The following CPEB3 variants were observed in gnomAD, a reference collection of about 807,000 sequenced individuals.
CPEB3 encodes the protein cytoplasmic polyadenylation element-binding protein 3.
A neutral mutation model predicts 67.2 loss-of-function variants in CPEB3; 20 were observed. The ratio of observed to expected loss-of-function variants is 0.30; its 90% CI spans 0.21 to 0.43. The LOEUF is 0.43. Ranked by LOEUF, CPEB3 falls within the 20% of genes least tolerant of loss-of-function variation. The probability of loss-of-function intolerance (pLI) is 1.00; values close to 1 mark genes in which losing one functional copy is unlikely to be tolerated. For synonymous variants in CPEB3, 376 were observed against 393.1 expected (o/e 0.96, Z 0.51); for missense variants, 746 against 968.6 (o/e 0.77, Z 3.05).
chr10:92,059,783 CCT>C (rs1277634050), intron 9 of CPEB3, among the ~76,000 whole-genome samples: 1 of 151,636 alleles, frequency 6.6e-6, no homozygotes, highest in Non-Finnish European at 1.5e-5. Flanking sequence ...ATGGTGAAAC[CCT>C]GTCTCTACTA....
intron 2 of CPEB3, among the ~76,000 whole-genome samples, chr10:92,197,545 A>G (rs927214496): frequency 1.3e-5 from 2 of 152,186 alleles, no homozygotes; most frequent in African/African-American, 2.4e-5. Flanking sequence ...TGTTTTTACA[A>G]GCAAACACAC....
intron 1 of CPEB3, chr10:92,272,192 C>T (rs987416030): frequency 1.3e-5 from 2 of 152,110 alleles, no homozygotes; most frequent in African/African-American, 4.8e-5. Context: ...AATAGTAGAA[C>T]AATGAGATTG....
intron 9 of CPEB3, among the ~76,000 whole-genome samples, chr10:92,053,724 G>T (rs1174901289): frequency 6.6e-6 from 1 of 152,094 alleles, no homozygotes; most frequent in Non-Finnish European, 1.5e-5. Context: ...TGTATTTTTA[G>T]TAGAGACGGG....
chr10:92,058,594 T>TACATACATACATACATAC (rs58218665), intron 9 of CPEB3, among the ~76,000 whole-genome samples: 2 of 135,478 alleles, frequency 1.5e-5, no homozygotes, highest in Non-Finnish European at 3.1e-5. Flanking sequence ...CATACATACA[T>TACATACATACATACATAC]ATATATATAT....
At chr10:92,124,892 T>G (rs1279456692) in intron 6 of CPEB3, among the ~76,000 whole-genome samples, 2 of 152,228 alleles carry the variant, frequency 1.3e-5, no homozygotes, top group South Asian at 2.1e-4. Flanking sequence ...AGCTCCACAA[T>G]GGCCTGTTTT....
At chr10:92,083,631 C>G (rs528330824) in intron 8 of CPEB3, among the ~76,000 whole-genome samples, 54 of 152,280 alleles carry the variant, frequency 3.5e-4, no homozygotes, top group African/African-American at 1.3e-3. Flanking sequence ...CCTCAGGACC[C>G]TGTAAATTAA....
chr10:92,182,770 G>T, intron 3 of CPEB3, among the ~76,000 whole-genome samples: 1 of 148,502 alleles, frequency 6.7e-6, no homozygotes, highest in South Asian at 2.1e-4. Context: ...AGGTTGCAGT[G>T]AGCCGAGATT....
chr10:92,160,992 C>G (rs748638690), intron 4 of CPEB3, among the ~76,000 whole-genome samples: 1 of 152,086 alleles, frequency 6.6e-6, no homozygotes, highest in Non-Finnish European at 1.5e-5. Context: ...TGGGCTCAAG[C>G]GATTCTCCCA....
intron 1 of CPEB3, among the ~76,000 whole-genome samples, chr10:92,285,143 A>G (rs1308791755): frequency 6.6e-6 from 1 of 152,254 alleles, no homozygotes; most frequent in African/African-American, 2.4e-5. Flanking sequence ...CCTGCTCTCA[A>G]GATAATGAAC....
rs1006355490 is a variant in CPEB3 at position 92,137,280 on chromosome 10, G to T, written c.1453+5749C>A. On this transcript the variant is annotated intron_variant, in intron 6 of 9. Coordinates refer to ENST00000265997, the MANE Select transcript of CPEB3 (RefSeq NM_014912.5). The stretch of plus-strand genomic sequence containing the variant: ...TTGGGGGCACCAACGTGCATGCTGA[G>T]GTGCAGAAACTACAGATGGAAGTTC... 1.4e-5 allele frequency: 9 copies of T among 634,138 alleles called. No homozygotes were observed. The South Asian group carries it at 1.6e-4, about 12-fold the overall frequency. The allele number at this position is 634,138 out of a possible 1,614,324, so 39.3% of individuals were successfully genotyped here. A position where few individuals can be genotyped will look rare whatever the true frequency, so the allele number is the denominator to read the frequency against.
intron 2 of CPEB3, among the ~76,000 whole-genome samples, chr10:92,237,936 C>T (rs1384280472): frequency 6.6e-6 from 1 of 152,152 alleles, no homozygotes; most frequent in African/African-American, 2.4e-5. Flanking sequence ...TGAAGATCCT[C>T]TGTCATCAAA....
At chr10:92,224,248 C>T (rs1355924475) in intron 2 of CPEB3, among the ~76,000 whole-genome samples, 1 of 152,150 alleles carries the variant, frequency 6.6e-6, no homozygotes, top group Non-Finnish European at 1.5e-5. Context: ...GGTTCTCCCA[C>T]GTTAACTGGT....
At chr10:92,058,698 A>G (rs1449082865) in intron 9 of CPEB3, among the ~76,000 whole-genome samples, 1 of 151,914 alleles carries the variant, frequency 6.6e-6, no homozygotes, top group African/African-American at 2.4e-5. Context: ...CTCCGATACA[A>G]TAATAGCTGG....
chr10:92,068,727 A>G (rs1247124632), intron 9 of CPEB3, among the ~76,000 whole-genome samples: 1 of 152,212 alleles, frequency 6.6e-6, no homozygotes, highest in South Asian at 2.1e-4. Context: ...GGAGGACAGG[A>G]GAGTCAGAAG....
At chr10:92,180,645 C>A (rs539603226) in intron 4 of CPEB3, among the ~76,000 whole-genome samples, 6 of 152,184 alleles carry the variant, frequency 3.9e-5, no homozygotes, top group Non-Finnish European at 8.8e-5. Context: ...AGTTTGCCAA[C>A]CCTGGTTTGA....
chr10:92,247,640 A>G lies in CPEB3; in HGVS notation c.-11-7279T>C, dbSNP rs565111696. Among the ~76,000 whole-genome samples the G allele has an allele frequency of 2.0e-5, 3 of 152,094 alleles. No homozygotes were observed. In the South Asian group the frequency reaches 6.2e-4, roughly 32 times the overall value. ...TCGAGCTCCCGACCTCAGGTGATCC[A>G]CCCACCTTGGCCTCCCAAAGTTCTG... On this transcript the variant is annotated intron_variant, in intron 1 of 9. Transcript: ENST00000265997.
At chr10:92,187,985 C>G (rs1393934125) in intron 3 of CPEB3, among the ~76,000 whole-genome samples, 1 of 152,002 alleles carries the variant, frequency 6.6e-6, no homozygotes, top group Non-Finnish European at 1.5e-5. Flanking sequence ...TGCTTGAGCT[C>G]AGGAGTTCAA....
chr10:92,289,732 A>ATATATATATAT (rs1554944314), intron 1 of CPEB3, among the ~76,000 whole-genome samples: 4 of 75,768 alleles, frequency 5.3e-5, no homozygotes, highest in African/African-American at 2.0e-4. Context: ...AAAAAAAAAA[A>ATATATATATAT]ATATATATAT....
At chr10:92,172,161 T>G (rs1261807355) in intron 4 of CPEB3, among the ~76,000 whole-genome samples, 2 of 151,930 alleles carry the variant, frequency 1.3e-5, no homozygotes, top group Non-Finnish European at 2.9e-5. Context: ...AAATAAAAAA[T>G]AAAAGACACA....
Sources: allele counts gnomAD v4.1 joint callset (sites outside exome capture counted in the v4.1 genomes callset), GRCh38; gene constraint gnomAD v4.1.1; transcripts MANE v1.5; gene names NCBI Gene and HGNC (gene_info 2026-07-23, HGNC 2026-07-21).